The following LCORL variants were observed in gnomAD, a reference collection of about 807,000 sequenced individuals.
LCORL encodes the protein ligand-dependent nuclear receptor corepressor-like protein.
LCORL carries 41 observed loss-of-function variants against 141.8 expected under a neutral mutation model. The observed-to-expected ratio is 0.29, with a 90% confidence interval of 0.23 to 0.38. The LOEUF is 0.38. LCORL is among the 10% of genes least tolerant of loss of function. The pLI is 1.00. For missense variants in LCORL, 1,759 were observed against 2,035.0 expected (o/e 0.86, Z 2.61); for synonymous variants, 618 against 694.1 (o/e 0.89, Z 1.72).
chr4:17,979,594 A>G (rs1717618170), intron 1 of LCORL, among the ~76,000 whole-genome samples: 1 of 152,208 alleles, frequency 6.6e-6, no homozygotes, highest in South Asian at 2.1e-4. Context: ...TCATTTCAAT[A>G]CTTTTTCTTG....
chr4:17,992,069 C>A (rs760633579), intron 1 of LCORL, among the ~76,000 whole-genome samples: 2 of 152,146 alleles, frequency 1.3e-5, no homozygotes, highest in Non-Finnish European at 2.9e-5. Flanking sequence ...CCCTAATCTG[C>A]TTATATTAGT....
At chr4:17,854,774 A>G (rs748482918) in intron 7 of LCORL, among the ~76,000 whole-genome samples, 2 of 152,196 alleles carry the variant, frequency 1.3e-5, no homozygotes, top group African/African-American at 4.8e-5. Context: ...TAGATTAAGT[A>G]GAAGATTTTA....
chr4:17,963,949 CATG>C (rs1714358437), intron 2 of LCORL, among the ~76,000 whole-genome samples: 1 of 152,104 alleles, frequency 6.6e-6, no homozygotes, highest in East Asian at 1.9e-4. Flanking sequence ...TTTTGAAATA[CATG>C]ATGAAGTTGA....
chr4:17,859,082 T>C (rs1724692772), intron 7 of LCORL, among the ~76,000 whole-genome samples: 1 of 152,096 alleles, frequency 6.6e-6, no homozygotes, highest in South Asian at 2.1e-4. Context: ...GTGATAGGCA[T>C]TTAGCAGAAA....
chr4:17,963,608 C>A (rs1240284055), intron 2 of LCORL, among the ~76,000 whole-genome samples: 1 of 151,006 alleles, frequency 6.6e-6, no homozygotes, highest in African/African-American at 2.4e-5. Context: ...ATCAGGTAAA[C>A]AAATAAGGTA....
chr4:17,875,574 C>T (rs1449952642), exon 7 of LCORL: 1 of 1,231,128 alleles, frequency 8.1e-7, no homozygotes, highest in African/African-American at 1.6e-5. Flanking sequence ...TACTGTAATA[C>T]TCTTTTTATA....
chr4:17,921,148 C>T (rs149497981), intron 4 of LCORL, among the ~76,000 whole-genome samples: 3,707 of 152,120 alleles, frequency 0.024, 149 homozygotes, highest in African/African-American at 0.085. Flanking sequence ...CTCAGCTTCC[C>T]GAGTAGCTGG....
intron 7 of LCORL, among the ~76,000 whole-genome samples, chr4:17,866,098 CCTT>C (rs1279211262): frequency 6.6e-6 from 1 of 152,148 alleles, no homozygotes; most frequent in Non-Finnish European, 1.5e-5. Flanking sequence ...GACATCATCT[CCTT>C]CTTTCTTGAC....
intron 1 of LCORL, among the ~76,000 whole-genome samples, chr4:18,015,561 G>A (rs1417150103): frequency 2.0e-5 from 3 of 151,834 alleles, no homozygotes; most frequent in Non-Finnish European, 4.4e-5. Context: ...ATTAGAAGGT[G>A]CCACAATTTA....
intron 4 of LCORL, among the ~76,000 whole-genome samples, chr4:17,951,790 A>G (rs1739761772): frequency 6.6e-6 from 1 of 152,222 alleles, no homozygotes; most frequent in Non-Finnish European, 1.5e-5. Context: ...AGTGCCTGGC[A>G]TGTAGTAGGA....
intron 7 of LCORL, among the ~76,000 whole-genome samples, chr4:17,849,855 G>C (rs1178982748): frequency 1.3e-5 from 2 of 151,654 alleles, no homozygotes; most frequent in African/African-American, 4.9e-5. Flanking sequence ...AAAGCTGGAG[G>C]CATCACGCTA....
chr4:18,004,315 G>C (rs1722446020), intron 1 of LCORL, among the ~76,000 whole-genome samples: 1 of 152,102 alleles, frequency 6.6e-6, no homozygotes, highest in South Asian at 2.1e-4. Context: ...TCCAAGACTG[G>C]GCAATTTAAA....
intron 4 of LCORL, among the ~76,000 whole-genome samples, chr4:17,918,738 C>G (rs1733841083): frequency 6.6e-6 from 1 of 151,914 alleles, no homozygotes; most frequent in Admixed American, 6.6e-5. Flanking sequence ...TCAAATGTAT[C>G]AAGATTTGCA....
chr4:17,952,088 GC>G (rs375078019), intron 4 of LCORL, among the ~76,000 whole-genome samples: 209 of 152,220 alleles, frequency 1.4e-3, no homozygotes, highest in African/African-American at 4.8e-3. Context: ...ACATAAAAGT[GC>G]TTCTTCCCAT....
At chr4:17,981,402 T>C (rs781660599) in intron 1 of LCORL, among the ~76,000 whole-genome samples, 8 of 152,146 alleles carry the variant, frequency 5.3e-5, no homozygotes, top group Non-Finnish European at 1.0e-4. Context: ...AATACAAAAT[T>C]ATCATTTTAA....
exon 8 of LCORL, chr4:17,845,013 G>C (rs1027074531): frequency 6.6e-5 from 10 of 152,036 alleles, no homozygotes; most frequent in Non-Finnish European, 1.2e-4. Flanking sequence ...CAATAAAACA[G>C]ATGTAAATCC....
intron 7 of LCORL, among the ~76,000 whole-genome samples, chr4:17,869,293 A>T (rs961177444): frequency 6.6e-6 from 1 of 151,878 alleles, no homozygotes; most frequent in African/African-American, 2.4e-5. Flanking sequence ...TATTCTCTCC[A>T]TTCATGGTCA....
exon 8 of LCORL, chr4:17,843,208 A>AT: frequency 7.3e-7 from 1 of 1,371,432 alleles, no homozygotes; most frequent in Non-Finnish European, 1.0e-6. Context: ...TTAAACACTG[A>AT]TAGAATGTGA....
chr4:17,937,234 T>C (rs920016225), intron 4 of LCORL, among the ~76,000 whole-genome samples: 4 of 152,156 alleles, frequency 2.6e-5, no homozygotes, highest in African/African-American at 9.7e-5. Flanking sequence ...TTGCAATTGT[T>C]TTTCTAGCAC....
Sources: allele counts gnomAD v4.1 joint callset (sites outside exome capture counted in the v4.1 genomes callset), GRCh38; gene constraint gnomAD v4.1.1; transcripts MANE v1.5; gene names NCBI Gene and HGNC (gene_info 2026-07-23, HGNC 2026-07-21).